The following MINDY4B variants were observed in gnomAD, a reference collection of about 807,000 sequenced individuals.
MINDY4B encodes inactive ubiquitin carboxyl-terminal hydrolase MINDY-4B.
Under a neutral mutation model 16.7 loss-of-function variants are expected in MINDY4B, and 25 were observed. That is an observed-to-expected ratio of 1.49 (90% CI 1.09 to 2.09). The LOEUF is 2.09. Among genes scored for constraint, MINDY4B ranks in the 30% most tolerant of loss-of-function variants. The pLI, the probability that MINDY4B is intolerant of heterozygous loss-of-function variation, is 0.00. For synonymous variants in MINDY4B, 132 were observed against 61.9 expected (o/e 2.13, Z -5.32); for missense variants, 327 against 168.4 (o/e 1.94, Z -5.21).
intron 8 of MINDY4B, among the ~76,000 whole-genome samples, chr3:150,885,077 A>G (rs922634589): frequency 2.6e-5 from 4 of 152,238 alleles, no homozygotes; most frequent in Non-Finnish European, 5.9e-5. Flanking sequence ...GTATTTATTT[A>G]TGAAACTTGT....
At chr3:150,894,653 C>T (rs1711912622) in intron 3 of MINDY4B, among the ~76,000 whole-genome samples, 1 of 152,158 alleles carries the variant, frequency 6.6e-6, no homozygotes. Context: ...GTCAGGATCT[C>T]ATGTTTCCAG....
chr3:150,899,220 G>A (rs1712051701), intron 3 of MINDY4B, among the ~76,000 whole-genome samples: 1 of 152,180 alleles, frequency 6.6e-6, no homozygotes, highest in South Asian at 2.1e-4. Flanking sequence ...TCAGCTAAAT[G>A]GCACATGTAA....
chr3:150,893,331 G>A lies in MINDY4B; in HGVS notation c.514C>T (p.Leu172Phe). The change falls in exon 5 of 12, where the codon CTT becomes TTT. Residue 172 changes from leucine to phenylalanine, a missense_variant. Coordinates refer to ENST00000465419, the MANE Select transcript of MINDY4B (RefSeq NM_001351281.2). ...TTCTCACAGTCCTCTTACTTGCCAA[G>A]GTTACAGTCTTTTCCTTTCCTGGTA... ...LFTRKGKDCN[L>F]GNLCEISKKE... 1.4e-6 allele frequency: 1 copy of A among 702,744 alleles called. No individual in the cohort carries two copies. Among genetic ancestry groups the A allele is most frequent in the Non-Finnish European group, 2.6e-6 (1 of 384,816 alleles). The allele number at this position is 702,744 out of a possible 1,614,324, so 43.5% of individuals were successfully genotyped here.
rs1028679486 is a variant in MINDY4B, at chr3:150,903,252, G to A, written c.306C>T (p.Ala102=). 3 of 398,394 alleles carry A rather than the reference G, an allele frequency of 7.5e-6. No homozygotes were observed. The highest frequency in any genetic ancestry group is 2.1e-5 in the African/African-American group (1 of 48,608). The allele number at this position is 398,394 out of a possible 1,614,324, so 24.7% of individuals were successfully genotyped here. The change falls in exon 3 of 12, where the codon GCC becomes GCT. Residue 102 remains alanine, a synonymous_variant. Transcript: ENST00000465419. The part of the protein sequence containing the change: ...LGGFPISLAM[A]TKLRQILFGN... ...TTAATTGACAAGCTATACTTACCGTGGCCATTGCTAGGGAGATAGGAAAGC... is the reference window on the plus strand; with the variant it reads ...TTAATTGACAAGCTATACTTACCGTAGCCATTGCTAGGGAGATAGGAAAGC...
intron 5 of MINDY4B, among the ~76,000 whole-genome samples, chr3:150,891,998 G>T (rs1711827910): frequency 6.6e-6 from 1 of 152,146 alleles, no homozygotes; most frequent in Non-Finnish European, 1.5e-5. Context: ...CCTTTATGTG[G>T]CAAATATATG....
At chr3:150,892,550 T>G (rs1275297919) in intron 5 of MINDY4B, among the ~76,000 whole-genome samples, 1 of 152,212 alleles carries the variant, frequency 6.6e-6, no homozygotes, top group East Asian at 1.9e-4. Flanking sequence ...TTGCACATGA[T>G]AGGGGTTTGT....
chr3:150,901,554 C>T (rs1474143260), intron 3 of MINDY4B: 1 of 145,670 alleles, frequency 6.9e-6, no homozygotes, highest in Admixed American at 7.0e-5. Flanking sequence ...CAGAGTCTCA[C>T]TCTGTTGCCC....
chr3:150,883,210 G>T (rs1223516492), intron 9 of MINDY4B, among the ~76,000 whole-genome samples, 152 bp from the exon 10 acceptor site: 1 of 152,042 alleles, frequency 6.6e-6, no homozygotes, highest in Non-Finnish European at 1.5e-5. Context: ...TAAATATTTG[G>T]TAGATTTAAA....
At chr3:150,889,199 G>A (rs943643210) in intron 7 of MINDY4B, among the ~76,000 whole-genome samples, 1 of 152,230 alleles carries the variant, frequency 6.6e-6, no homozygotes, top group African/African-American at 2.4e-5. Context: ...TCTGAAGTGG[G>A]TTTTAATGAG....
chr3:150,886,131 C>A (rs1041476595), intron 7 of MINDY4B, among the ~76,000 whole-genome samples: 1 of 152,184 alleles, frequency 6.6e-6, no homozygotes, highest in Non-Finnish European at 1.5e-5. Flanking sequence ...AGGTGCCTTG[C>A]AATCTCTAGG....
In MINDY4B at chr3:150,870,930, T is replaced by A. The variant is rs577120758; in HGVS notation, c.*115A>T. On this transcript the variant is annotated 3_prime_UTR_variant, in exon 12 of 12. Transcript: ENST00000465419. ...AACTGCTAATGGTATATATATATATTTTTTGGTGGGGCTTGTGAATGAGAA... is the reference window on the plus strand; with the variant it reads ...AACTGCTAATGGTATATATATATATATTTTGGTGGGGCTTGTGAATGAGAA... 4.3e-5 allele frequency: 26 copies of A among 600,798 alleles called. No individual in the cohort carries two copies. Among genetic ancestry groups the A allele is most frequent in the South Asian group, 8.1e-5 (4 of 49,488 alleles). The allele number at this position is 600,798 out of a possible 1,614,324, so 37.2% of individuals were successfully genotyped here. A position where few individuals can be genotyped will look rare whatever the true frequency, so the allele number is the denominator to read the frequency against.
Position 150,873,452 on chromosome 3 carries a change from C to T in MINDY4B, c.1060-85G>A. Reference sequence around the variant, plus strand: ...CCGATACATGATCGCGACCAAAAAGCAGCTCTGAGGTTTCTTGTTGCACTT... The same window carrying T: ...CCGATACATGATCGCGACCAAAAAGTAGCTCTGAGGTTTCTTGTTGCACTT... On this transcript the variant is annotated intron_variant, in intron 10 of 11. Transcript: ENST00000465419. 2 of 645,950 alleles carry T rather than the reference C, an allele frequency of 3.1e-6. 1 individual carries two copies. Among genetic ancestry groups the T allele is most frequent in the Admixed American group, 4.6e-5 (2 of 43,618 alleles). 40.0% of individuals were successfully genotyped at this position (645,950 alleles called of 1,614,324 possible). A position where few individuals can be genotyped will look rare whatever the true frequency, so the allele number is the denominator to read the frequency against.
In MINDY4B at chr3:150,871,090, C is replaced by A; in HGVS notation, c.1338G>T (p.Trp446Cys). The stretch of plus-strand genomic sequence containing the variant: ...CATTCCAGTTGATGGTGGCCTCGCT[C>A]CACTTGGTTCTGATTGCCATCTCCA... ...SPVEMAIRTK[W>C]SEATINWNGT... is the part of the protein sequence containing the mutation. The change falls in exon 12 of 12, where the codon TGG becomes TGT. Residue 446 changes from tryptophan (W) to cysteine (C), a missense_variant. Transcript: ENST00000465419. 1 of 702,868 alleles carries A rather than the reference C, an allele frequency of 1.4e-6. No homozygotes were observed. Among genetic ancestry groups the A allele is most frequent in the Non-Finnish European group, 2.6e-6 (1 of 384,860 alleles). The allele number at this position is 702,868 out of a possible 1,614,324, so 43.5% of individuals were successfully genotyped here.
At position 150,873,304 on chromosome 3, in the gene MINDY4B, T is replaced by A. The variant is rs779874072; in HGVS notation, c.1123A>T (p.Ser375Cys). ...IWLCNINGNYSILFCTNRQLL... is the reference protein window; with the variant it reads ...IWLCNINGNYCILFCTNRQLL... ...TGCCTGTTTGTGCAAAAAAGGATGC[T>A]GTAATTTCCATTGATGTTGCACAGC... The change falls in exon 11 of 12, where the codon AGC (serine) becomes TGC (cysteine). Residue 375 changes from serine to cysteine, a missense_variant. Transcript: ENST00000465419. 4 of 702,904 alleles carry A rather than the reference T, an allele frequency of 5.7e-6. No homozygotes were observed. In the South Asian group the frequency reaches 5.9e-5, roughly 10 times the overall value. The allele number at this position is 702,904 out of a possible 1,614,324, so 43.5% of individuals were successfully genotyped here.
chr3:150,877,607 T>TA (rs774440253), intron 10 of MINDY4B, among the ~76,000 whole-genome samples: 5 of 152,160 alleles, frequency 3.3e-5, no homozygotes, highest in Non-Finnish European at 5.9e-5. Context: ...CTCCTAGGGC[T>TA]AAGGATTTCC....
At chr3:150,882,558 A>ATG (rs1164254485) in intron 10 of MINDY4B, among the ~76,000 whole-genome samples, 5 of 132,270 alleles carry the variant, frequency 3.8e-5, no homozygotes, top group Admixed American at 1.5e-4. Context: ...GTGTATGTGT[A>ATG]TGTGTGTATA....
intron 10 of MINDY4B, among the ~76,000 whole-genome samples, chr3:150,876,471 A>G (rs189798747): frequency 2.4e-4 from 36 of 152,326 alleles, no homozygotes; most frequent in African/African-American, 7.7e-4. Context: ...ATTCCTGTGC[A>G]TAACTGTTAA....
intron 3 of MINDY4B, among the ~76,000 whole-genome samples, chr3:150,899,812 C>T (rs903149439): frequency 2.6e-5 from 4 of 152,200 alleles, no homozygotes; most frequent in African/African-American, 9.7e-5. Context: ...TAACTCACAC[C>T]TGTCGAGACC....
At chr3:150,903,924 T>C (rs772501707) in intron 2 of MINDY4B, among the ~76,000 whole-genome samples, 8 of 152,250 alleles carry the variant, frequency 5.3e-5, no homozygotes, top group Non-Finnish European at 1.0e-4. Context: ...TTAAAAAAAT[T>C]TCTTTTCGCT....
Sources: allele counts gnomAD v4.1 joint callset (sites outside exome capture counted in the v4.1 genomes callset), GRCh38; gene constraint gnomAD v4.1.1; transcripts MANE v1.5; gene names NCBI Gene and HGNC (gene_info 2026-07-23, HGNC 2026-07-21).